Variants in ETS1 observed in about 807,000 individuals in gnomAD.
ETS1 encodes protein C-ets-1.
A neutral mutation model predicts 58.6 loss-of-function variants in ETS1; 15 were observed. That is an observed-to-expected ratio of 0.26 (90% CI 0.17 to 0.39). The LOEUF (loss-of-function observed/expected upper bound fraction) is 0.39. Among genes scored for constraint, ETS1 ranks in the 10% least tolerant of loss-of-function variants. The probability of loss-of-function intolerance (pLI) is 1.00; values close to 1 mark genes in which losing one functional copy is unlikely to be tolerated. For synonymous variants in ETS1, 214 were observed against 218.2 expected (o/e 0.98, Z 0.17); for missense variants, 417 against 610.5 (o/e 0.68, Z 3.34).
At chr11:128,493,594 T>C (rs1862860669) in intron 3 of ETS1, among the ~76,000 whole-genome samples, 1 of 152,214 alleles carries the variant, frequency 6.6e-6, no homozygotes, top group Admixed American at 6.5e-5. Context: ...CTTAGGACAC[T>C]TGCATTTGGA....
At chr11:128,565,273 G>A (rs1396931774) in intron 2 of ETS1, among the ~76,000 whole-genome samples, 3 of 152,216 alleles carry the variant, frequency 2.0e-5, no homozygotes, top group African/African-American at 7.2e-5. Context: ...TGAGGACACA[G>A]CGTTCATCCC....
At position 128,521,871 on chromosome 11, in the gene ETS1, T is replaced by C. The variant is rs1356302247; in HGVS notation, c.215-31295A>G. 2.6e-6 allele frequency: 4 copies of C among 1,548,418 alleles called. No individual in the cohort carries two copies. In the South Asian group the frequency reaches 3.5e-5, roughly 13 times the overall value. ...AGAAGTCCAGGGGACCCCCGGCCTC[T>C]GGCCGAGAGCTTGGGTGGGGGCCTC... On this transcript the variant is annotated intron_variant, in intron 3 of 9. Coordinates refer to ENST00000392668, the MANE Select transcript of ETS1 (RefSeq NM_001143820.2).
chr11:128,490,713 AATT>A, intron 3 of ETS1, 137 bp from the exon 4 acceptor site: 4 of 469,056 alleles, frequency 8.5e-6, no homozygotes, highest in South Asian at 3.0e-5. Context: ...CAGAGCAGGC[AATT>A]TTTTTTTTTT....
At chr11:128,577,898 C>A (rs140894325) in intron 1 of ETS1, among the ~76,000 whole-genome samples, 2 of 144,262 alleles carry the variant, frequency 1.4e-5, no homozygotes, top group Admixed American at 7.0e-5. Flanking sequence ...GGAGGGAATT[C>A]TCTTCTGCCA....
rs1863285732 is a variant in ETS1 at position 128,507,890 on chromosome 11, C to T, written c.215-17314G>A. On this transcript the variant is annotated intron_variant, in intron 3 of 9. Transcript: ENST00000392668. ...TAAACCTTGAATGGCTGGGTCACCTCCCAGAAAAGAAAAGACTCCAGGGCA... is the reference window on the plus strand; with the variant it reads ...TAAACCTTGAATGGCTGGGTCACCTTCCAGAAAAGAAAAGACTCCAGGGCA... 2.0e-5 allele frequency among the ~76,000 whole-genome samples: 3 copies of T among 152,216 alleles called. No homozygotes were observed. The South Asian group carries it at 6.2e-4, about 32-fold the overall frequency.
rs768643755 is a variant in ETS1, at chr11:128,573,050, G to T, written c.69+12C>A. On this transcript the variant is annotated intron_variant, in intron 2 of 9. Transcript: ENST00000392668. ...GTGTGGGCAAAGGGGCAGGGAAGGG[G>T]CCACCACTCACCACCACTGCAGGAC... is the stretch of plus-strand genomic sequence containing the variant. The T allele has an allele frequency of 1.9e-6, 3 of 1,598,256 alleles. No homozygotes were observed. Among genetic ancestry groups the T allele is most frequent in the Admixed American group, 1.7e-5 (1 of 58,122 alleles).
At chr11:128,476,554 G>A (rs955883912) in intron 8 of ETS1, among the ~76,000 whole-genome samples, 1 of 152,230 alleles carries the variant, frequency 6.6e-6, no homozygotes, top group African/African-American at 2.4e-5. Flanking sequence ...TGGGACTAGA[G>A]GGGTTGAGAG....
At chr11:128,582,813 A>G (rs1864901089) in intron 1 of ETS1, among the ~76,000 whole-genome samples, 1 of 152,128 alleles carries the variant, frequency 6.6e-6, no homozygotes, top group Non-Finnish European at 1.5e-5. Context: ...ATGGTGAAAT[A>G]TTGCAGCTTC....
rs1862655212 is a variant in ETS1 at position 128,487,137 on chromosome 11, CT to C, written c.536-992del. Reference sequence around the variant, plus strand: ...CCACCCCACCCCAAACAGCTATGTTCTTTTGCTGCTGTGTTGCTTTAATTAC... The same window carrying C: ...CCACCCCACCCCAAACAGCTATGTTCTTTGCTGCTGTGTTGCTTTAATTAC... On this transcript the variant is annotated intron_variant, in intron 5 of 9. Coordinates refer to ENST00000392668, the MANE Select transcript of ETS1 (RefSeq NM_001143820.2). Among the ~76,000 whole-genome samples, 4 of 152,236 alleles carry C rather than the reference CT, an allele frequency of 2.6e-5. No homozygotes were observed. In the South Asian group the frequency reaches 8.3e-4, roughly 31 times the overall value.
At chr11:128,495,414 G>A (rs78458721) in intron 3 of ETS1, among the ~76,000 whole-genome samples, 10 of 152,240 alleles carry the variant, frequency 6.6e-5, no homozygotes, top group Non-Finnish European at 1.3e-4. Context: ...AGCTAGCCCC[G>A]TAAGAACATA....
chr11:128,481,875 T>C (rs1247647723), intron 7 of ETS1, among the ~76,000 whole-genome samples: 1 of 152,236 alleles, frequency 6.6e-6, no homozygotes, highest in African/African-American at 2.4e-5. Flanking sequence ...TGTGTACTTT[T>C]TGTAAAATCC....
chr11:128,502,896 C>A (rs1267122750), intron 3 of ETS1, among the ~76,000 whole-genome samples: 1 of 152,188 alleles, frequency 6.6e-6, no homozygotes, highest in South Asian at 2.1e-4. Context: ...CTCCTGCATG[C>A]CTTCATTGTG....
chr11:128,575,471 CT>C (rs1306582039), intron 1 of ETS1, among the ~76,000 whole-genome samples: 1 of 152,174 alleles, frequency 6.6e-6, no homozygotes, highest in Non-Finnish European at 1.5e-5. Context: ...TTGTTAGTGG[CT>C]TGTTTATTCA....
chr11:128,462,261 G>T lies in ETS1; in HGVS notation c.*100C>A. On this transcript the variant is annotated 3_prime_UTR_variant, in exon 10 of 10. Transcript: ENST00000392668. ...CCCCTGAAGGTAAAAAATGAGTTCT[G>T]GAAAATAAAAAATAGAATAACAATT... 1 of 973,446 alleles carries T rather than the reference G, an allele frequency of 1.0e-6. No homozygotes were observed. The highest frequency in any genetic ancestry group is 1.5e-6 in the Non-Finnish European group (1 of 647,486). 60.3% of individuals were successfully genotyped at this position (973,446 alleles called of 1,614,324 possible).
At chr11:128,566,956 C>T (rs1423976820) in intron 2 of ETS1, among the ~76,000 whole-genome samples, 2 of 152,090 alleles carry the variant, frequency 1.3e-5, no homozygotes, top group African/African-American at 2.4e-5. Context: ...GTGTAAGGTG[C>T]GTTGGCTTCT....
chr11:128,497,500 C>G, intron 3 of ETS1: 1 of 657,988 alleles, frequency 1.5e-6, no homozygotes, highest in South Asian at 6.8e-5. Flanking sequence ...CCTTCATCCA[C>G]CTCCTGCCCC....
chr11:128,553,966 C>G (rs550869445), intron 3 of ETS1, among the ~76,000 whole-genome samples: 1 of 152,162 alleles, frequency 6.6e-6, no homozygotes, highest in South Asian at 2.1e-4. Flanking sequence ...TATTTTTTCT[C>G]TTTCTTTATA....
At chr11:128,580,710 G>A (rs1864849226) in intron 1 of ETS1, among the ~76,000 whole-genome samples, 1 of 152,160 alleles carries the variant, frequency 6.6e-6, no homozygotes, top group Non-Finnish European at 1.5e-5. Flanking sequence ...TGTCTTCTGT[G>A]TCTTAAGCTA....
chr11:128,470,263 C>T (rs1862149891), intron 8 of ETS1, among the ~76,000 whole-genome samples: 5 of 152,048 alleles, frequency 3.3e-5, no homozygotes, highest in African/African-American at 1.2e-4. Context: ...AAAATAAAAG[C>T]CATTTTACAT....
Sources: gnomAD v4.1 joint callset for allele counts (sites outside exome capture counted in the v4.1 genomes callset) on GRCh38, gnomAD v4.1.1 for gene constraint, MANE v1.5 for transcripts, NCBI Gene and HGNC (gene_info 2026-07-23, HGNC 2026-07-21) for gene names.